Variants in NRXN3 observed in about 807,000 individuals in gnomAD.
NRXN3 encodes the protein neurexin III.
Under a neutral mutation model 137.6 loss-of-function variants are expected in NRXN3, and 32 were observed. The observed-to-expected ratio is 0.23, with a 90% CI of 0.18 to 0.31. NRXN3 has a LOEUF of 0.31. Ranked by LOEUF, NRXN3 falls within the 10% of genes least tolerant of loss-of-function variation. The pLI, the probability that NRXN3 is intolerant of heterozygous loss-of-function variation, is 1.00. For synonymous variants in NRXN3, 798 were observed against 784.5 expected (o/e 1.02, Z -0.29); for missense variants, 1,574 against 2,062.5 (o/e 0.76, Z 4.59).
chr14:78,440,865 AT>A (rs1475239887), intron 4 of NRXN3, among the ~76,000 whole-genome samples: 2 of 152,154 alleles, frequency 1.3e-5, no homozygotes, highest in Non-Finnish European at 2.9e-5. Context: ...TGCTGTCAGC[AT>A]CCTCCTGCTA....
intron 15 of NRXN3, among the ~76,000 whole-genome samples, chr14:79,327,326 T>C (rs1172040060): frequency 6.6e-6 from 1 of 152,142 alleles, no homozygotes; most frequent in Non-Finnish European, 1.5e-5. Context: ...CCCCTATAGA[T>C]TCTTGATTCA....
chr14:78,302,107 C>A (rs2076930777), intron 4 of NRXN3, among the ~76,000 whole-genome samples: 1 of 152,214 alleles, frequency 6.6e-6, no homozygotes, highest in South Asian at 2.1e-4. Flanking sequence ...TAGGACTCAA[C>A]TTTTCTGATG....
At chr14:79,554,597 G>A (rs1289523292) in intron 16 of NRXN3, among the ~76,000 whole-genome samples, 2 of 152,086 alleles carry the variant, frequency 1.3e-5, no homozygotes, top group Non-Finnish European at 2.9e-5. Context: ...TAGGTGGGAG[G>A]ATGCAAGAGC....
intron 15 of NRXN3, among the ~76,000 whole-genome samples, chr14:79,102,607 T>C (rs2051541190): frequency 6.6e-6 from 1 of 152,220 alleles, no homozygotes; most frequent in Admixed American, 6.5e-5. Flanking sequence ...TATAGAGTTA[T>C]GTAAATATAT....
intron 15 of NRXN3, among the ~76,000 whole-genome samples, chr14:79,153,210 A>ATG (rs146363791): frequency 0.029 from 4,436 of 152,068 alleles, 146 homozygotes; most frequent in East Asian, 0.15. Context: ...CCTAACTGCA[A>ATG]TGTATCTGTC....
intron 15 of NRXN3, among the ~76,000 whole-genome samples, chr14:79,321,554 A>C (rs2090022661): frequency 1.3e-5 from 2 of 152,048 alleles, no homozygotes; most frequent in African/African-American, 2.4e-5. Context: ...TTTTCTACTT[A>C]CATACTTGAG....
chr14:79,186,062 A>G (rs1029122487), intron 15 of NRXN3, among the ~76,000 whole-genome samples: 1 of 152,166 alleles, frequency 6.6e-6, no homozygotes, highest in African/African-American at 2.4e-5. Flanking sequence ...TGTTCATGGT[A>G]CATATCTCAT....
chr14:78,297,939 C>T lies in NRXN3; in HGVS notation c.757+79C>T, dbSNP rs912621896. On this transcript the variant is annotated intron_variant, in intron 4 of 20. Transcript: ENST00000335750. ...CCTCTGGCTGGTCACAGAGCCTCAT[C>T]GTCACTGGCAGGCCATTCGCTGCCT... 28 of 1,504,862 alleles carry T rather than the reference C, an allele frequency of 1.9e-5. No homozygotes were observed. The South Asian group carries it at 2.3e-4, about 12-fold the overall frequency. The allele number at this position is 1,504,862 out of a possible 1,614,324, so 93.2% of individuals were successfully genotyped here. A position where few individuals can be genotyped will look rare whatever the true frequency, so the allele number is the denominator to read the frequency against.
chr14:79,702,898 C>CACTAAAGTGTATTCTT (rs6145407), intron 19 of NRXN3, among the ~76,000 whole-genome samples: 2 of 149,542 alleles, frequency 1.3e-5, no homozygotes, highest in African/African-American at 4.9e-5. Context: ...AGTCTTTTAC[C>CACTAAAGTGTATTCTT]TTATGTCTCC....
At chr14:78,907,628 T>C (rs1417867636) in intron 10 of NRXN3, among the ~76,000 whole-genome samples, 2 of 152,070 alleles carry the variant, frequency 1.3e-5, no homozygotes, top group African/African-American at 4.8e-5. Flanking sequence ...CATGTCTACA[T>C]AATAAGAAGA....
At chr14:78,651,429 A>C in intron 6 of NRXN3, 103 bp downstream of exon 6, 15 of 1,262,628 alleles carry the variant, frequency 1.2e-5, no homozygotes, top group Non-Finnish European at 1.5e-5. Context: ...AATCTATGAG[A>C]TGATAGATTG....
chr14:79,533,857 C>G (rs1601748069), intron 16 of NRXN3, among the ~76,000 whole-genome samples: 1 of 152,222 alleles, frequency 6.6e-6, no homozygotes, highest in East Asian at 1.9e-4. Context: ...TCTCAGTAAC[C>G]AGAGCTAAGG....
intron 16 of NRXN3, among the ~76,000 whole-genome samples, chr14:79,593,706 T>C (rs1329792688): frequency 3.3e-5 from 5 of 150,478 alleles, no homozygotes; most frequent in Non-Finnish European, 5.9e-5. Context: ...ACAGCAGATA[T>C]AGTGTTGATT....
chr14:79,282,410 G>A (rs2081419393), intron 15 of NRXN3, among the ~76,000 whole-genome samples: 1 of 152,058 alleles, frequency 6.6e-6, no homozygotes, highest in South Asian at 2.1e-4. Flanking sequence ...TCTTTTGTTC[G>A]GGTTGTAAAC....
At chr14:78,363,278 CACT>C (rs2153608122) in intron 4 of NRXN3, among the ~76,000 whole-genome samples, 1 of 152,308 alleles carries the variant, frequency 6.6e-6, no homozygotes, top group Non-Finnish European at 1.5e-5. Flanking sequence ...TGTAGGTAAG[CACT>C]TGCCAAGCCT....
intron 10 of NRXN3, among the ~76,000 whole-genome samples, chr14:78,819,384 A>C (rs1156471197): frequency 6.6e-6 from 1 of 152,224 alleles, no homozygotes; most frequent in Non-Finnish European, 1.5e-5. Context: ...AAAATAATAC[A>C]AATAAAAATA....
intron 20 of NRXN3, among the ~76,000 whole-genome samples, chr14:79,842,199 C>T (rs1291396104): frequency 1.3e-5 from 2 of 152,100 alleles, no homozygotes; most frequent in Non-Finnish European, 2.9e-5. Context: ...AGCTTATATT[C>T]CAGTGAAGTG....
chr14:78,810,341 T>C lies in NRXN3; in HGVS notation c.2272T>C (p.Ser758Pro). The change falls in exon 10 of 21, where the codon TCC (serine) becomes CCC (proline). Residue 758 changes from serine (S) to proline (P), a missense_variant. Physicochemically the swap from Ser to Pro is moderately conservative, Grantham distance 74 (BLOSUM62 -1). Transcript: ENST00000335750. ...NLDCIRINCN[S>P]SKGPETLYAG... ...AGACTGTATCAGGATAAACTGTAAC[T>C]CCAGTAAGTTTTCCCTCAAGTTTCA... The C allele has an allele frequency of 6.9e-7, 1 of 1,447,490 alleles. No individual in the cohort carries two copies. The highest frequency in any genetic ancestry group is 2.6e-5 in the Admixed American group (1 of 38,690). 89.7% of individuals were successfully genotyped at this position (1,447,490 alleles called of 1,614,324 possible). A position where few individuals can be genotyped will look rare whatever the true frequency, so the allele number is the denominator to read the frequency against.
chr14:78,847,932 C>T (rs2099032110), intron 10 of NRXN3, among the ~76,000 whole-genome samples: 1 of 152,094 alleles, frequency 6.6e-6, no homozygotes, highest in African/African-American at 2.4e-5. Context: ...CTAAGTTAGG[C>T]TGTCTTTTCA....
Sources: allele counts gnomAD v4.1 joint callset (sites outside exome capture counted in the v4.1 genomes callset), GRCh38; gene constraint gnomAD v4.1.1; transcripts MANE v1.5; gene names NCBI Gene and HGNC (gene_info 2026-07-23, HGNC 2026-07-21).